The following KCNQ2 variants were observed in gnomAD, a reference collection of about 807,000 sequenced individuals.
The protein encoded by KCNQ2 is potassium voltage-gated channel subfamily KQT member 2.
A neutral mutation model predicts 84.8 loss-of-function variants in KCNQ2; 14 were observed. The ratio of observed to expected loss-of-function variants is 0.17; its 90% CI spans 0.11 to 0.26. The LOEUF (loss-of-function observed/expected upper bound fraction) is 0.26, where lower values mean the gene tolerates loss of function less well. Among genes scored for constraint, KCNQ2 ranks in the 10% least tolerant of loss-of-function variants. KCNQ2 has a pLI of 1.00. For synonymous variants in KCNQ2, 599 were observed against 554.1 expected (o/e 1.08, Z -1.14); for missense variants, 788 against 1,254.0 (o/e 0.63, Z 5.61).
At chr20:63,432,624 AC>A (rs1246644727) in intron 8 of KCNQ2, among the ~76,000 whole-genome samples, 1 of 145,674 alleles carries the variant, frequency 6.9e-6, no homozygotes, top group Non-Finnish European at 1.5e-5. Context: ...GGAAGGCTCC[AC>A]CCTCTGGGAA....
chr20:63,428,233 C>T lies in KCNQ2; in HGVS notation c.1217+134G>A, dbSNP rs942813144. On this transcript the variant is annotated intron_variant, in intron 10 of 16. Coordinates refer to ENST00000359125, the MANE Select transcript of KCNQ2 (RefSeq NM_172107.4). ...CGAAAAGAGAAAGCACCACCATCAC[C>T]AAGTCCAGCGTCCCCGCGCGTCCCA... is the stretch of plus-strand genomic sequence containing the variant. 3.9e-5 allele frequency: 27 copies of T among 700,512 alleles called. No individual in the cohort carries two copies. The Admixed American group carries it at 4.4e-4, about 12-fold the overall frequency. 43.4% of individuals were successfully genotyped at this position (700,512 alleles called of 1,614,324 possible).
rs898793895 is a variant in KCNQ2, at chr20:63,401,184, T to C, written c.*5460A>G. On this transcript the variant is annotated 3_prime_UTR_variant, in exon 17 of 17. Coordinates refer to ENST00000359125, the MANE Select transcript of KCNQ2 (RefSeq NM_172107.4). ...CACTCAACTCCACCCCACAAACGCC[T>C]TTTAAAACTCTGAAGAGGCCCCTCC... 3.6e-6 allele frequency: 1 copy of C among 277,506 alleles called. No homozygotes were observed. The highest frequency in any genetic ancestry group is 2.2e-5 in the African/African-American group (1 of 45,694). 17.2% of individuals were successfully genotyped at this position (277,506 alleles called of 1,614,324 possible).
intron 11 of KCNQ2, among the ~76,000 whole-genome samples, chr20:63,422,935 C>T (rs779457751): frequency 2.6e-5 from 4 of 152,122 alleles, no homozygotes; most frequent in East Asian, 1.9e-4. Context: ...ACCGAGGTTC[C>T]GCCCAAATCA....
chr20:63,445,503 C>CCCCCACAGGG, intron 2 of KCNQ2, 139 bp from the exon 3 acceptor site: 18 of 857,358 alleles, frequency 2.1e-5, no homozygotes, highest in Non-Finnish European at 2.7e-5. Context: ...GCAAGCTGAC[C>CCCCCACAGGG]CCCCCACCCC....
chr20:63,471,945 A>ACCCCGACCTGAGCGG (rs2082226595), intron 1 of KCNQ2, among the ~76,000 whole-genome samples: 1 of 151,904 alleles, frequency 6.6e-6, no homozygotes, highest in Non-Finnish European at 1.5e-5. Flanking sequence ...TGGAGCCCCC[A>ACCCCGACCTGAGCGG]CCCCGACCTG....
At chr20:63,450,227 T>G (rs113783464) in intron 1 of KCNQ2, among the ~76,000 whole-genome samples, 3 of 143,164 alleles carry the variant, frequency 2.1e-5, no homozygotes, top group African/African-American at 7.9e-5. Flanking sequence ...TTCCCACTGC[T>G]CCGGAGGGAC....
chr20:63,447,807 G>A (rs985684830), intron 1 of KCNQ2, among the ~76,000 whole-genome samples: 59 of 152,260 alleles, frequency 3.9e-4, no homozygotes, highest in Admixed American at 7.2e-4. Context: ...ACATTGGCCA[G>A]GCTAGTCTCG....
At chr20:63,434,157 G>C in intron 7 of KCNQ2, 1 of 535,948 alleles carries the variant, frequency 1.9e-6, no homozygotes, top group Non-Finnish European at 3.3e-6. Flanking sequence ...GGCTTGACTC[G>C]GGGCCCTGAG....
chr20:63,445,501 A>AT (rs2081385780), intron 2 of KCNQ2, 137 bp from the exon 3 acceptor site: 5 of 398,898 alleles, frequency 1.3e-5, no homozygotes, highest in Non-Finnish European at 2.0e-5. Context: ...CTGCAAGCTG[A>AT]CCCCCCCACC....
In KCNQ2 at chr20:63,400,927, G is replaced by A. The variant is rs992873455; in HGVS notation, c.*5717C>T. The A allele has an allele frequency of 5.0e-6, 2 of 398,092 alleles. No individual in the cohort carries two copies. The highest frequency in any genetic ancestry group is 8.9e-6 in the Non-Finnish European group (2 of 225,758). 24.7% of individuals were successfully genotyped at this position (398,092 alleles called of 1,614,324 possible). On this transcript the variant is annotated 3_prime_UTR_variant, in exon 17 of 17. Transcript: ENST00000359125. The surrounding 1 kb of genome is among the most constrained non-coding windows in gnomAD (Gnocchi z 8.7). Reference sequence around the variant, plus strand: ...AGCCAGGGGGCATGGGGCGACCTCAGGGAGTTCCTGTCCACATGCATTAAG... The same window carrying A: ...AGCCAGGGGGCATGGGGCGACCTCAAGGAGTTCCTGTCCACATGCATTAAG...
At chr20:63,452,767 C>G (rs2081651447) in intron 1 of KCNQ2, among the ~76,000 whole-genome samples, 1 of 152,186 alleles carries the variant, frequency 6.6e-6, no homozygotes, top group African/African-American at 2.4e-5. Context: ...CCAGGCCACA[C>G]ACCTGCCCAG....
intron 1 of KCNQ2, chr20:63,471,797 A>C: frequency 6.2e-6 from 1 of 161,120 alleles, no homozygotes; most frequent in Non-Finnish European, 1.3e-5. Flanking sequence ...CGGGTCCCCG[A>C]GAGTCCCGGA....
At chr20:63,410,139 C>T (rs1601555069) in intron 15 of KCNQ2, 1 of 198,232 alleles carries the variant, frequency 5.0e-6, no homozygotes, top group Non-Finnish European at 1.0e-5. Context: ...GGAGGGGACC[C>T]TCTGGCTCCG....
Position 63,408,295 on chromosome 20 carries a change from A to T in KCNQ2, c.1887+118T>A, listed in dbSNP as rs1051836549. ...CTGTCAGTGGTGACAGGGCCATGTA[A>T]ACCCTAGACTTGAGGAGCCCTCCGT... On this transcript the variant is annotated intron_variant, in intron 16 of 16. Transcript: ENST00000359125. The surrounding 1 kb of genome is among the most constrained non-coding windows in gnomAD (Gnocchi z 5.0). 12 of 1,302,322 alleles carry T rather than the reference A, an allele frequency of 9.2e-6. No individual in the cohort carries two copies. Among genetic ancestry groups the T allele is most frequent in the Non-Finnish European group, 1.3e-5 (12 of 935,632 alleles). The allele number at this position is 1,302,322 out of a possible 1,614,324, so 80.7% of individuals were successfully genotyped here. A position where few individuals can be genotyped will look rare whatever the true frequency, so the allele number is the denominator to read the frequency against.
At position 63,442,542 on chromosome 20, in the gene KCNQ2, G is replaced by C; in HGVS notation, c.691-11C>G. 1 of 1,612,406 alleles carries C rather than the reference G, an allele frequency of 6.2e-7. No individual in the cohort carries two copies. Among genetic ancestry groups the C allele is most frequent in the Non-Finnish European group, 8.5e-7 (1 of 1,179,668 alleles). The stretch of plus-strand genomic sequence containing the variant: ...GGCAGTGACCAGCTCCTGAGAGGCA[G>C]ACGGCACCACCATCATGACCACCAT... On this transcript the variant is annotated splice_polypyrimidine_tract_variant and intron_variant, in intron 4 of 16. Transcript: ENST00000359125.
intron 1 of KCNQ2, among the ~76,000 whole-genome samples, chr20:63,467,110 G>A (rs1233351713): frequency 6.6e-6 from 1 of 152,034 alleles, no homozygotes; most frequent in African/African-American, 2.4e-5. Context: ...ACAGGACACG[G>A]CCTGGCCGCT....
intron 11 of KCNQ2, among the ~76,000 whole-genome samples, chr20:63,420,895 C>T (rs1568893001): frequency 6.6e-6 from 1 of 152,182 alleles, no homozygotes; most frequent in Admixed American, 6.5e-5. Context: ...ACCACGAACG[C>T]GACGGTGGGA....
intron 5 of KCNQ2, among the ~76,000 whole-genome samples, chr20:63,441,387 C>T (rs897432198): frequency 4.6e-5 from 7 of 152,084 alleles, no homozygotes; most frequent in Non-Finnish European, 8.8e-5. Context: ...CAGCCGCATC[C>T]GCTGCAGAGG....
At chr20:63,413,628 G>T (rs568265028) in intron 14 of KCNQ2, 47 bp from the exon 15 acceptor site, 1 of 1,610,494 alleles carries the variant, frequency 6.2e-7, no homozygotes. Flanking sequence ...AGAGACCCCC[G>T]GCCACAGGCA....
Sources: allele counts gnomAD v4.1 joint callset (sites outside exome capture counted in the v4.1 genomes callset), GRCh38; gene constraint gnomAD v4.1.1; non-coding constraint Gnocchi (gnomAD v3.1); transcripts MANE v1.5; gene names NCBI Gene and HGNC (gene_info 2026-07-23, HGNC 2026-07-21).